UNC79: variants seen among roughly 807,000 people sequenced by gnomAD.
The protein encoded by UNC79 is unc-79 subunit of NALCN channel complex, also known as protein unc-79 homolog.
UNC79 carries 37 observed loss-of-function variants against 283.1 expected under a neutral mutation model. The ratio of observed to expected loss-of-function variants is 0.13; its 90% CI spans 0.10 to 0.17. The LOEUF is 0.17. Among genes scored for constraint, UNC79 ranks in the 10% least tolerant of loss-of-function variants. The pLI is 1.00. For missense variants in UNC79, 2,272 were observed against 3,211.1 expected (o/e 0.71, Z 7.07); for synonymous variants, 1,107 against 1,200.2 (o/e 0.92, Z 1.61).
chr14:93,364,090 C>G (rs565667694), intron 1 of UNC79, among the ~76,000 whole-genome samples: 1 of 152,042 alleles, frequency 6.6e-6, no homozygotes, highest in Non-Finnish European at 1.5e-5. Flanking sequence ...ATAAGAGACC[C>G]CTGCACACCA....
At position 93,617,106 on chromosome 14, in the gene UNC79, A is replaced by G. The variant is rs2139846901; in HGVS notation, c.4042-16A>G. 2 of 1,591,678 alleles carry G rather than the reference A, an allele frequency of 1.3e-6. No individual in the cohort carries two copies. Among genetic ancestry groups the G allele is most frequent in the East Asian group, 4.5e-5 (2 of 44,388 alleles). On this transcript the variant is annotated splice_polypyrimidine_tract_variant and intron_variant, in intron 27 of 48. Coordinates refer to ENST00000555664, the Ensembl canonical transcript of UNC79. This position sits in a 1 kb window ranked among gnomAD's most constrained non-coding sequence, Gnocchi z 4.5. ...TTGTAGTTTTCCATCAGTTATTAATATTTTTTCTATTTCAGGTTATGGACT... is the reference window on the plus strand; with the variant it reads ...TTGTAGTTTTCCATCAGTTATTAATGTTTTTTCTATTTCAGGTTATGGACT...
chr14:93,540,781 G>A, exon 13 of UNC79: 2 of 1,613,580 alleles, frequency 1.2e-6, no homozygotes, highest in Non-Finnish European at 1.7e-6. Flanking sequence ...TAACAAGGAC[G>A]ATGATAAACA....
intron 5 of UNC79, among the ~76,000 whole-genome samples, chr14:93,488,198 G>A (rs1287603573): frequency 6.6e-6 from 1 of 152,212 alleles, no homozygotes; most frequent in African/African-American, 2.4e-5. Flanking sequence ...AAGGACTTGA[G>A]AAATTTTCAA....
At chr14:93,407,672 A>G (rs1870290516) in intron 1 of UNC79, among the ~76,000 whole-genome samples, 1 of 152,168 alleles carries the variant, frequency 6.6e-6, no homozygotes, top group South Asian at 2.1e-4. Flanking sequence ...ATGCAGGGGA[A>G]AAAAAGGTAA....
intron 40 of UNC79, among the ~76,000 whole-genome samples, chr14:93,665,559 A>G (rs1190481719): frequency 1.3e-5 from 2 of 152,066 alleles, no homozygotes; most frequent in African/African-American, 2.4e-5. Flanking sequence ...TAAATAAACT[A>G]AAGTTTTACC....
At chr14:93,533,668 C>A (rs2060933197) in intron 11 of UNC79, among the ~76,000 whole-genome samples, 2 of 152,092 alleles carry the variant, frequency 1.3e-5, no homozygotes. Flanking sequence ...TCACTCAAGG[C>A]CTCTCAGAAG....
At chr14:93,469,674 G>A (rs918264291) in intron 2 of UNC79, among the ~76,000 whole-genome samples, 3 of 152,076 alleles carry the variant, frequency 2.0e-5, no homozygotes, top group Admixed American at 2.0e-4. Flanking sequence ...CCAGCCACAA[G>A]TTTGAGATCA....
At chr14:93,373,636 C>T (rs919286795) in intron 1 of UNC79, among the ~76,000 whole-genome samples, 4 of 152,128 alleles carry the variant, frequency 2.6e-5, no homozygotes, top group Non-Finnish European at 4.4e-5. Flanking sequence ...ATAGAAAACA[C>T]CAAGCCCAGA....
intron 19 of UNC79, among the ~76,000 whole-genome samples, chr14:93,581,721 C>T (rs562481828): frequency 1.9e-3 from 286 of 151,820 alleles, no homozygotes; most frequent in Middle Eastern, 6.9e-3. Flanking sequence ...CTCGAATTCC[C>T]GACCTCGTGA....
At chr14:93,600,885 A>G in intron 25 of UNC79, 115 bp downstream of exon 25, 1 of 1,076,216 alleles carries the variant, frequency 9.3e-7, no homozygotes, top group East Asian at 2.5e-5. Context: ...CCTTGACCTC[A>G]TGCACTCAAT....
chr14:93,693,421 G>A (rs774247061), intron 46 of UNC79, among the ~76,000 whole-genome samples: 9 of 152,138 alleles, frequency 5.9e-5, no homozygotes, highest in Non-Finnish European at 1.3e-4. Context: ...ATATTTAAAT[G>A]TTACAAATGA....
rs754403296 is a variant in UNC79, at chr14:93,690,331, G to A, written c.7272+28G>A. On this transcript the variant is annotated intron_variant, in intron 45 of 48. Transcript: ENST00000555664. The surrounding 1 kb of genome is among the most constrained non-coding windows in gnomAD (Gnocchi z 4.3). ...AAGTGATTTCTGCAAGATTAAGACC[G>A]TATGCATCGCAATTGCTAATGGAAA... 1.8e-5 allele frequency: 28 copies of A among 1,593,658 alleles called. No homozygotes were observed. The African/African-American group carries it at 2.0e-4, about 11-fold the overall frequency.
intron 1 of UNC79, among the ~76,000 whole-genome samples, chr14:93,346,143 A>C (rs1654566101): frequency 6.6e-6 from 1 of 152,042 alleles, no homozygotes; most frequent in Admixed American, 6.6e-5. Flanking sequence ...CCCTTCCTGA[A>C]AGAACAGCTT....
intron 1 of UNC79, among the ~76,000 whole-genome samples, chr14:93,339,040 A>G (rs1428803598): frequency 1.3e-5 from 2 of 152,238 alleles, no homozygotes; most frequent in African/African-American, 2.4e-5. Context: ...CAGTCTGAGA[A>G]TATTTATGGA....
chr14:93,677,086 GA>G lies in UNC79; in HGVS notation c.6741+3640del, dbSNP rs971498189. ...TTGTTCCTGGGTTTCAGCACCAAGGGAAAAAAAAATTAAGCCATTTCAAAGT... is the reference window on the plus strand; with the variant it reads ...TTGTTCCTGGGTTTCAGCACCAAGGGAAAAAAAATTAAGCCATTTCAAAGT... On this transcript the variant is annotated intron_variant, in intron 41 of 48. Coordinates refer to ENST00000555664, the Ensembl canonical transcript of UNC79. 6.0e-5 allele frequency among the ~76,000 whole-genome samples: 9 copies of G among 151,000 alleles called. No individual in the cohort carries two copies. In the South Asian group the frequency reaches 6.3e-4, roughly 10 times the overall value.
intron 4 of UNC79, among the ~76,000 whole-genome samples, chr14:93,486,619 A>G (rs1409412330): frequency 5.0e-5 from 7 of 139,900 alleles, no homozygotes; most frequent in Non-Finnish European, 9.0e-5. Context: ...GTGCCACTGC[A>G]CTCCAGCCTG....
intron 5 of UNC79, among the ~76,000 whole-genome samples, chr14:93,493,284 A>T (rs2058827554): frequency 6.6e-6 from 1 of 152,076 alleles, no homozygotes; most frequent in African/African-American, 2.4e-5. Context: ...ACTCAGAGTG[A>T]GGGCTCCCTG....
intron 22 of UNC79, among the ~76,000 whole-genome samples, chr14:93,587,577 A>G (rs976951275): frequency 1.3e-4 from 20 of 152,232 alleles, no homozygotes; most frequent in African/African-American, 4.6e-4. Context: ...TTCAACAAAT[A>G]TGAGGGCTTA....
intron 18 of UNC79, 39 bp downstream of exon 18, chr14:93,578,102 G>C: frequency 3.2e-6 from 5 of 1,585,270 alleles, no homozygotes; most frequent in Non-Finnish European, 4.3e-6. Context: ...CAGAGGTGAA[G>C]AATGAGAGAA....
Sources: allele counts gnomAD v4.1 joint callset (sites outside exome capture counted in the v4.1 genomes callset), GRCh38; gene constraint gnomAD v4.1.1; non-coding constraint Gnocchi (gnomAD v3.1); transcripts MANE v1.5; gene names NCBI Gene and HGNC (gene_info 2026-07-23, HGNC 2026-07-21).